Variants in ACKR2 observed in about 807,000 individuals in gnomAD.
ACKR2 encodes C-C chemokine receptor D6.
For synonymous variants in ACKR2, 207 were observed against 192.2 expected, an observed-to-expected ratio of 1.08 and a Z score of -0.64; for missense variants, 457 against 477.3, an observed-to-expected ratio of 0.96 and a Z score of 0.40.
Position 42,865,500 on chromosome 3 carries a change from G to A in ACKR2, c.998G>A (p.Trp333Ter). 6.2e-7 allele frequency: 1 copy of A among 1,612,454 alleles called. No individual in the cohort carries two copies. Among genetic ancestry groups the A allele is most frequent in the Non-Finnish European group, 8.5e-7 (1 of 1,179,946 alleles). ...GCTTTCCTGGCTGCCGTGCTTGGAT[G>A]GCACCTGGCACCTGGCACTGCCCAG... Reference protein sequence around the residue: ...LKAFLAAVLGWHLAPGTAQAS... With the variant: ...LKAFLAAVLG Residue 333 changes from tryptophan (W) to a stop codon, truncating the protein, a stop_gained, in exon 3 of 3, where the codon TGG becomes TAG. Transcript: ENST00000422265. LOFTEE classifies it low-confidence loss of function (END_TRUNC).
chr3:42,822,045 C>G (rs1245187635), intron 2 of ACKR2, among the ~76,000 whole-genome samples: 1 of 152,014 alleles, frequency 6.6e-6, no homozygotes, highest in East Asian at 1.9e-4. Flanking sequence ...CTTTATCAAT[C>G]AAAACTTTTG....
chr3:42,850,308 A>G (rs765635473), intron 2 of ACKR2, among the ~76,000 whole-genome samples: 1 of 152,044 alleles, frequency 6.6e-6, no homozygotes, highest in Non-Finnish European at 1.5e-5. Flanking sequence ...GTCCATATCC[A>G]TCTTCTTGGG....
intron 2 of ACKR2, among the ~76,000 whole-genome samples, chr3:42,854,175 G>A (rs1448043759): frequency 2.0e-5 from 3 of 152,202 alleles, no homozygotes. Flanking sequence ...TCAGGGGAAT[G>A]CTGGTGAAGG....
At chr3:42,862,390 G>A (rs1377801965) in intron 2 of ACKR2, among the ~76,000 whole-genome samples, 3 of 152,094 alleles carry the variant, frequency 2.0e-5, no homozygotes, top group African/African-American at 7.2e-5. Flanking sequence ...AACATTCCAC[G>A]CTCATGGATA....
chr3:42,851,374 C>T (rs1701157437), intron 2 of ACKR2: 1 of 985,356 alleles, frequency 1.0e-6, no homozygotes, highest in African/African-American at 1.7e-5. Context: ...GTCTGCACTT[C>T]CCTGAGGAAG....
At chr3:42,813,753 G>A (rs548713785) in intron 1 of ACKR2, among the ~76,000 whole-genome samples, 7 of 152,308 alleles carry the variant, frequency 4.6e-5, no homozygotes, top group African/African-American at 9.6e-5. Context: ...TCTGCATCAT[G>A]TGCATACTTC....
chr3:42,835,212 T>C (rs1212535440), intron 2 of ACKR2: 1 of 148,634 alleles, frequency 6.7e-6, no homozygotes, highest in African/African-American at 2.5e-5. Flanking sequence ...ACTGGGCATT[T>C]AGGACCTTGT....
At chr3:42,854,741 T>G (rs2088292287) in intron 2 of ACKR2, among the ~76,000 whole-genome samples, 1 of 152,204 alleles carries the variant, frequency 6.6e-6, no homozygotes, top group African/African-American at 2.4e-5. Context: ...ACAATATCTT[T>G]CCTCTTGTTG....
chr3:42,844,954 C>T (rs1219477395), intron 2 of ACKR2, among the ~76,000 whole-genome samples: 1 of 152,138 alleles, frequency 6.6e-6, no homozygotes, highest in Non-Finnish European at 1.5e-5. Context: ...GGACATCAGC[C>T]TATGTGTCCA....
At chr3:42,813,621 TC>T (rs1445084349) in intron 1 of ACKR2, among the ~76,000 whole-genome samples, 3 of 152,190 alleles carry the variant, frequency 2.0e-5, no homozygotes, top group Non-Finnish European at 2.9e-5. Context: ...TCTAATCACC[TC>T]CTACCAGGCC....
chr3:42,860,185 A>AAAAAAAAAAAAAAC (rs1243319646), intron 2 of ACKR2, among the ~76,000 whole-genome samples: 2 of 145,022 alleles, frequency 1.4e-5, no homozygotes, highest in African/African-American at 2.6e-5. Context: ...AAAAAAAAAA[A>AAAAAAAAAAAAAAC]AAAAGCAGGG....
chr3:42,833,235 A>G (rs1451992926), intron 2 of ACKR2, among the ~76,000 whole-genome samples: 1 of 152,256 alleles, frequency 6.6e-6, no homozygotes, highest in East Asian at 1.9e-4. Context: ...AATAGTCAAC[A>G]TTAAAGCCCT....
rs1054138 is a variant in ACKR2, at chr3:42,865,569, A to G, written c.1067A>G (p.Gln356Arg). 1 of 1,614,018 alleles carries G rather than the reference A, an allele frequency of 6.2e-7. No individual in the cohort carries two copies. Residue 356 changes from glutamine (Q) to arginine (R), a missense_variant, in exon 3 of 3, where the codon CAA becomes CGA. Physicochemically the swap from Gln to Arg is conservative, Grantham distance 43. Coordinates refer to ENST00000422265, the MANE Select transcript of ACKR2 (RefSeq NM_001296.5). ...SCSESSILTA[Q>R]EEMTGMNDLG... is the part of the protein sequence containing the mutation. Reference sequence around the variant, plus strand: ...TCTGAGAGCAGCATACTTACTGCCCAAGAGGAAATGACTGGCATGAATGAC... The same window carrying G: ...TCTGAGAGCAGCATACTTACTGCCCGAGAGGAAATGACTGGCATGAATGAC...
Position 42,865,409 on chromosome 3 carries a change from C to T in ACKR2, c.907C>T (p.Leu303Phe). 1 of 1,614,180 alleles carries T rather than the reference C, an allele frequency of 6.2e-7. No individual in the cohort carries two copies. The highest frequency in any genetic ancestry group is 1.1e-5 in the South Asian group (1 of 91,080). The change falls in exon 3 of 3, where the codon CTT (leucine) becomes TTT (phenylalanine). Residue 303 changes from leucine (L) to phenylalanine (F), a missense_variant. Physicochemically the swap from Leu to Phe is conservative, Grantham distance 22. Transcript: ENST00000422265. ...ALQVTESIAF[L>F]HCCFSPILYA... ...CCAGGTAACAGAGAGCATCGCCTTCCTTCACTGCTGCTTTTCCCCCATCCT... is the reference window on the plus strand; with the variant it reads ...CCAGGTAACAGAGAGCATCGCCTTCTTTCACTGCTGCTTTTCCCCCATCCT...
At chr3:42,828,343 T>C (rs1700894454) in intron 2 of ACKR2, among the ~76,000 whole-genome samples, 1 of 152,078 alleles carries the variant, frequency 6.6e-6, no homozygotes, top group South Asian at 2.1e-4. Flanking sequence ...ACTCCTGACC[T>C]CAGGTGATCC....
intron 2 of ACKR2, among the ~76,000 whole-genome samples, chr3:42,822,104 T>G (rs1700814625): frequency 6.6e-6 from 1 of 151,790 alleles, no homozygotes; most frequent in South Asian, 2.1e-4. Context: ...CAACTTAGGT[T>G]TACATCTATA....
At chr3:42,860,386 C>T (rs1449037711) in intron 2 of ACKR2, among the ~76,000 whole-genome samples, 1 of 152,058 alleles carries the variant, frequency 6.6e-6, no homozygotes, top group Non-Finnish European at 1.5e-5. Flanking sequence ...GAGACTTAGA[C>T]TCCCACACAA....
intron 2 of ACKR2, among the ~76,000 whole-genome samples, chr3:42,832,838 C>T (rs1231138417): frequency 1.3e-5 from 2 of 152,106 alleles, no homozygotes; most frequent in Non-Finnish European, 2.9e-5. Flanking sequence ...GGACTACAGG[C>T]ACATGCCACC....
intron 2 of ACKR2, among the ~76,000 whole-genome samples, chr3:42,843,317 C>A (rs2125614652): frequency 6.6e-6 from 1 of 152,130 alleles, no homozygotes; most frequent in Non-Finnish European, 1.5e-5. Flanking sequence ...GTGATCTGCC[C>A]CCCCAGCCTC....
Sources: gnomAD v4.1 joint callset for allele counts (sites outside exome capture counted in the v4.1 genomes callset) on GRCh38, gnomAD v4.1.1 for gene constraint, MANE v1.5 for transcripts, NCBI Gene and HGNC (gene_info 2026-07-23, HGNC 2026-07-21) for gene names.